The following SLC12A8 variants were observed in gnomAD, a reference collection of about 807,000 sequenced individuals.
The protein encoded by SLC12A8 is cation-chloride cotransporter 9.
SLC12A8 carries 69 observed loss-of-function variants against 75.6 expected under a neutral mutation model. The ratio of observed to expected loss-of-function variants is 0.91; its 90% CI spans 0.75 to 1.11. The LOEUF is 1.11. Among genes scored for constraint, SLC12A8 ranks in the 50% most tolerant of loss-of-function variants. The pLI, the probability that SLC12A8 is intolerant of heterozygous loss-of-function variation, is 0.00. For missense variants in SLC12A8, 877 were observed against 896.7 expected (o/e 0.98, Z 0.28); for synonymous variants, 365 against 372.8 (o/e 0.98, Z 0.24).
At chr3:125,203,337 T>C (rs569341643) in intron 2 of SLC12A8, among the ~76,000 whole-genome samples, 41 of 152,064 alleles carry the variant, frequency 2.7e-4, no homozygotes, top group Middle Eastern at 3.4e-3. Flanking sequence ...AACTTCAAAA[T>C]ATACTACAAA....
rs1310255667 is a variant in SLC12A8 at position 125,187,352 on chromosome 3, C to T, written c.275G>A (p.Gly92Asp). Reference sequence around the variant, plus strand: ...GCTGCTGCGCTCCCCGACGCCAATGCCAGACAGCACCGTGACGAGGGCCAC... The same window carrying T: ...GCTGCTGCGCTCCCCGACGCCAATGTCAGACAGCACCGTGACGAGGGCCAC... ...ILVALVTVLS[G>D]IGVGERSSIG... The change falls in exon 4 of 14, where the codon GGC (glycine) becomes GAC (aspartate). Residue 92 changes from glycine (G) to aspartate (D), a missense_variant. By Grantham distance (94) the Gly-to-Asp change is moderately conservative. Transcript: ENST00000469902. 6.2e-7 allele frequency: 1 copy of T among 1,614,056 alleles called. No individual in the cohort carries two copies. The highest frequency in any genetic ancestry group is 1.3e-5 in the African/African-American group (1 of 74,894).
chr3:125,096,542 C>G (rs1321481325), intron 10 of SLC12A8, among the ~76,000 whole-genome samples: 1 of 152,184 alleles, frequency 6.6e-6, no homozygotes, highest in Non-Finnish European at 1.5e-5. Flanking sequence ...AGACTTCATC[C>G]TCTCAACATC....
chr3:125,090,558 G>A (rs975406669), intron 12 of SLC12A8, among the ~76,000 whole-genome samples: 6 of 152,152 alleles, frequency 3.9e-5, no homozygotes, highest in African/African-American at 1.4e-4. Flanking sequence ...ATTTCTTCCT[G>A]TAGTTCTATC....
rs936164796 is a variant in SLC12A8, at chr3:125,182,189, T to C, written c.391-4215A>G. Among the ~76,000 whole-genome samples, 8 of 152,082 alleles carry C rather than the reference T, an allele frequency of 5.3e-5. No homozygotes were observed. In the East Asian group the frequency reaches 1.5e-3, roughly 29 times the overall value. ...AAATAATTTAAAAATTAGCTGAGCA[T>C]AGTGGTGCACGCCTGTAGTCTCACC... On this transcript the variant is annotated intron_variant, in intron 4 of 13. Transcript: ENST00000469902.
At chr3:125,085,412 C>T (rs959188902) in intron 13 of SLC12A8, among the ~76,000 whole-genome samples, 45 of 152,268 alleles carry the variant, frequency 3.0e-4, no homozygotes, top group African/African-American at 1.1e-3. Flanking sequence ...GAATTGTAGG[C>T]ATAACAGAGG....
At chr3:125,190,318 C>T in intron 3 of SLC12A8, 57 bp downstream of exon 3, 2 of 1,592,886 alleles carry the variant, frequency 1.3e-6, no homozygotes, top group South Asian at 1.1e-5. Flanking sequence ...GCAAGAGTGG[C>T]AGAGCTTTCC....
intron 5 of SLC12A8, among the ~76,000 whole-genome samples, chr3:125,157,489 G>A (rs143555040): frequency 6.6e-6 from 1 of 152,182 alleles, no homozygotes; most frequent in Non-Finnish European, 1.5e-5. Context: ...CTGCCTCCTC[G>A]CTTTGAAGCA....
At chr3:125,101,271 AG>A (rs1938869297) in intron 10 of SLC12A8, among the ~76,000 whole-genome samples, 1 of 152,230 alleles carries the variant, frequency 6.6e-6, no homozygotes, top group South Asian at 2.1e-4. Flanking sequence ...TCTGGGCTTC[AG>A]CGAAATAGCT....
At chr3:125,134,004 ATT>A (rs1015580648) in intron 6 of SLC12A8, among the ~76,000 whole-genome samples, 11 of 152,310 alleles carry the variant, frequency 7.2e-5, no homozygotes, top group Non-Finnish European at 1.2e-4. Context: ...ATAAATGGAA[ATT>A]TATACAATCA....
intron 10 of SLC12A8, among the ~76,000 whole-genome samples, chr3:125,098,238 G>A (rs1027737971): frequency 2.0e-5 from 3 of 152,080 alleles, no homozygotes; most frequent in African/African-American, 7.2e-5. Flanking sequence ...ACAGAATCAT[G>A]TTTAAAGTCC....
In SLC12A8 at chr3:125,174,047, G is replaced by A. The variant is rs372392773; in HGVS notation, c.622+3696C>T. On this transcript the variant is annotated intron_variant, in intron 5 of 13. Coordinates refer to ENST00000469902, the MANE Select transcript of SLC12A8 (RefSeq NM_024628.6). The stretch of plus-strand genomic sequence containing the variant: ...GCAGAGGTTGCAGTGAGCCAAGATC[G>A]TGCCACTGCACTCCAGCCTGGGTGA... Among the ~76,000 whole-genome samples the A allele has an allele frequency of 2.6e-3, 402 of 152,282 alleles. 4 individuals carry two copies. Among genetic ancestry groups the A allele is most frequent in the African/African-American group, 8.9e-3 (371 of 41,548 alleles).
intron 12 of SLC12A8, among the ~76,000 whole-genome samples, chr3:125,090,149 T>G (rs1270378538): frequency 6.6e-6 from 1 of 152,164 alleles, no homozygotes; most frequent in Non-Finnish European, 1.5e-5. Context: ...CCTCAAGCAA[T>G]TCTCCTGCCT....
chr3:125,180,589 G>A (rs1378562400), intron 4 of SLC12A8, among the ~76,000 whole-genome samples: 1 of 152,124 alleles, frequency 6.6e-6, no homozygotes, highest in Non-Finnish European at 1.5e-5. Context: ...TGCTTGAGAG[G>A]CTGAGGCAGG....
At chr3:125,173,839 C>T (rs1411604079) in intron 5 of SLC12A8, among the ~76,000 whole-genome samples, 2 of 152,180 alleles carry the variant, frequency 1.3e-5, no homozygotes, top group African/African-American at 4.8e-5. Context: ...GCCTATAATC[C>T]CAGCACTTTG....
intron 10 of SLC12A8, among the ~76,000 whole-genome samples, chr3:125,099,155 T>C (rs1938795982): frequency 6.9e-6 from 1 of 144,700 alleles, no homozygotes; most frequent in Non-Finnish European, 1.5e-5. Context: ...GAGCAGAGCC[T>C]TAAGGGCTAT....
chr3:125,182,565 G>A (rs112051289), intron 4 of SLC12A8, among the ~76,000 whole-genome samples: 4 of 150,420 alleles, frequency 2.7e-5, no homozygotes, highest in East Asian at 2.0e-4. Flanking sequence ...ATAGTGCAGC[G>A]GCGTGATCTC....
intron 9 of SLC12A8, among the ~76,000 whole-genome samples, chr3:125,109,636 C>T (rs947527779): frequency 1.3e-5 from 2 of 152,182 alleles, no homozygotes; most frequent in African/African-American, 4.8e-5. Flanking sequence ...TTAGGAATGT[C>T]TATTTTAATC....
At chr3:125,146,717 C>G (rs1424908365) in intron 5 of SLC12A8, among the ~76,000 whole-genome samples, 1 of 152,232 alleles carries the variant, frequency 6.6e-6, no homozygotes, top group South Asian at 2.1e-4. Context: ...CGGCTCACTG[C>G]AGCCTCCACC....
chr3:125,137,898 C>T (rs1331556972), intron 5 of SLC12A8, among the ~76,000 whole-genome samples: 1 of 152,112 alleles, frequency 6.6e-6, no homozygotes, highest in Non-Finnish European at 1.5e-5. Flanking sequence ...TCACAAAGTG[C>T]ACACTCACGC....
Sources: gnomAD v4.1 joint callset for allele counts (sites outside exome capture counted in the v4.1 genomes callset) on GRCh38, gnomAD v4.1.1 for gene constraint, MANE v1.5 for transcripts, NCBI Gene and HGNC (gene_info 2026-07-23, HGNC 2026-07-21) for gene names.